The following BECN1 variants were observed in gnomAD, a reference collection of about 807,000 sequenced individuals.
BECN1 encodes the protein beclin-1.
Under a neutral mutation model 60.1 loss-of-function variants are expected in BECN1, and 15 were observed. That is an observed-to-expected ratio of 0.25 (90% CI 0.17 to 0.38). BECN1 has a LOEUF of 0.38. Among genes scored for constraint, BECN1 ranks in the 10% least tolerant of loss-of-function variants. BECN1 has a pLI of 1.00. For missense variants in BECN1, 424 were observed against 548.2 expected, an observed-to-expected ratio of 0.77 and a Z score of 2.26; for synonymous variants, 179 against 201.8, an observed-to-expected ratio of 0.89 and a Z score of 0.96.
chr17:42,816,345 G>A (rs1451703507), intron 7 of BECN1, among the ~76,000 whole-genome samples: 1 of 152,196 alleles, frequency 6.6e-6, no homozygotes, highest in Admixed American at 6.5e-5. Context: ...GAAGTGAGGT[G>A]AATGGGTTAG....
At position 42,810,802 on chromosome 17, in the gene BECN1, C is replaced by T. The variant is rs772387312; in HGVS notation, c.1311G>A (p.Lys437=). Residue 437 remains lysine (K), a synonymous_variant, in exon 12 of 12, where the codon AAG becomes AAA. Transcript: ENST00000590099. Reference sequence around the variant, plus strand: ...GTGAGGACACCCAAGCAAGACCCCACTTAAGATTCGTCAGCATGAACTTGA... The same window carrying T: ...GTGAGGACACCCAAGCAAGACCCCATTTAAGATTCGTCAGCATGAACTTGA... The part of the protein sequence containing the change: ...KALKFMLTNL[K]WGLAWVSSQF... 6.2e-7 allele frequency: 1 copy of T among 1,613,642 alleles called. No individual in the cohort carries two copies. Among genetic ancestry groups the T allele is most frequent in the Non-Finnish European group, 8.5e-7 (1 of 1,179,826 alleles).
chr17:42,823,260 GCT>G (rs1039836900), intron 2 of BECN1, among the ~76,000 whole-genome samples: 2 of 152,088 alleles, frequency 1.3e-5, no homozygotes, highest in African/African-American at 2.4e-5. Context: ...GCTACTGAAA[GCT>G]CTCTTTTTTT....
intron 1 of BECN1, 42 bp from the exon 2 acceptor site, chr17:42,823,921 C>A (rs758369192): frequency 6.3e-7 from 1 of 1,599,150 alleles, no homozygotes; most frequent in Non-Finnish European, 8.5e-7. Context: ...AGAAGCGACG[C>A]CCTTGACCTC....
chr17:42,822,560 G>A lies in BECN1; in HGVS notation c.130+1188C>T, dbSNP rs979418097. ...AATTCTTCTGACTTTGCGGGATTTTGGGGTTTTTTATTTTTTTTAATTATA... is the reference window on the plus strand; with the variant it reads ...AATTCTTCTGACTTTGCGGGATTTTAGGGTTTTTTATTTTTTTTAATTATA... On this transcript the variant is annotated intron_variant, in intron 2 of 11. Coordinates refer to ENST00000590099, the MANE Select transcript of BECN1 (RefSeq NM_001313998.2). Among the ~76,000 whole-genome samples the A allele has an allele frequency of 9.9e-5, 15 of 152,134 alleles. No homozygotes were observed. In the East Asian group the frequency reaches 2.5e-3, roughly 25 times the overall value.
intron 6 of BECN1, 28 bp from the exon 7 acceptor site, chr17:42,818,443 T>TA (rs1206869318): frequency 6.2e-7 from 1 of 1,612,974 alleles, no homozygotes; most frequent in Non-Finnish European, 8.5e-7. Flanking sequence ...AGACTATACT[T>TA]ACTAGAGCTC....
intron 2 of BECN1, 83 bp from the exon 3 acceptor site, chr17:42,820,924 T>TTTCAC: frequency 1.1e-5 from 14 of 1,242,110 alleles, no homozygotes; most frequent in Non-Finnish European, 1.4e-5. Flanking sequence ...GAATGTGAAA[T>TTTCAC]ATTCTCATCA....
At position 42,815,954 on chromosome 17, in the gene BECN1, C is replaced by G. The variant is rs1051729710; in HGVS notation, c.784G>C (p.Asp262His). Residue 262 changes from aspartate to histidine, a missense_variant, in exon 8 of 12, where the codon GAT becomes CAT. Asp to His is a moderately conservative substitution (Grantham distance 81, BLOSUM62 -1). This residue lies in a region of BECN1 where 326 missense variants were observed against 406.2 expected (regional missense o/e 0.80). Coordinates refer to ENST00000590099, the MANE Select transcript of BECN1 (RefSeq NM_001313998.2). The part of the protein sequence containing the change: ...NQMRYAQTQL[D>H]KLKKTNVFNA... The stretch of plus-strand genomic sequence containing the variant: ...AAGACGTTGGTTTTCTTCAGCTTAT[C>G]CAGCTGCGTCTGGGCATAACGCATC... 6.2e-6 allele frequency: 10 copies of G among 1,614,038 alleles called. No homozygotes were observed. The African/African-American group carries it at 1.3e-4, about 22-fold the overall frequency.
intron 2 of BECN1, 142 bp downstream of exon 2, chr17:42,823,604 GAA>G: frequency 8.2e-7 from 1 of 1,222,404 alleles, no homozygotes; most frequent in Admixed American, 2.6e-5. Context: ...TTTCCAAGGA[GAA>G]AACAGGGAGC....
chr17:42,810,363 T>A lies in BECN1; in HGVS notation c.*397A>T, dbSNP rs1024610964. 6.5e-6 allele frequency: 1 copy of A among 154,972 alleles called. No individual in the cohort carries two copies. Among genetic ancestry groups the A allele is most frequent in the Non-Finnish European group, 1.4e-5 (1 of 69,688 alleles). 9.6% of individuals were successfully genotyped at this position (154,972 alleles called of 1,614,324 possible). A position where few individuals can be genotyped will look rare whatever the true frequency, so the allele number is the denominator to read the frequency against. ...TATCCAACTGTGCATCTCAAACATATCCTCATCTCAGTAAAGACAAAAGTT... is the reference window on the plus strand; with the variant it reads ...TATCCAACTGTGCATCTCAAACATAACCTCATCTCAGTAAAGACAAAAGTT... On this transcript the variant is annotated 3_prime_UTR_variant, in exon 12 of 12. Transcript: ENST00000590099.
chr17:42,818,183 C>T lies in BECN1; in HGVS notation c.683+38G>A, dbSNP rs2055183402. The T allele has an allele frequency of 2.5e-6, 4 of 1,598,298 alleles. No individual in the cohort carries two copies. The Admixed American group carries it at 6.8e-5, about 27-fold the overall frequency. On this transcript the variant is annotated intron_variant, in intron 7 of 11. Transcript: ENST00000590099. ...CTGGAAGCCATTTCCTCTCCTGGAG[C>T]CTCGAGTGTGAGAAGATAGAACAGG...
chr17:42,818,298 T>C lies in BECN1; in HGVS notation c.606A>G (p.Glu202=). ...TTTCTGCCACTATCTTGCGGTTCTTTTCCACGTCTTCCAGCTCCTGGATCA... is the reference window on the plus strand; with the variant it reads ...TTTCTGCCACTATCTTGCGGTTCTTCTCCACGTCTTCCAGCTCCTGGATCA... ...ERLIQELEDV[E]KNRKIVAENL... Residue 202 remains glutamate, a synonymous_variant, in exon 7 of 12, where the codon GAA becomes GAG. Coordinates refer to ENST00000590099, the MANE Select transcript of BECN1 (RefSeq NM_001313998.2). 1.2e-6 allele frequency: 2 copies of C among 1,614,208 alleles called. No individual in the cohort carries two copies. Among genetic ancestry groups the C allele is most frequent in the South Asian group, 2.2e-5 (2 of 91,088 alleles).
At chr17:42,823,663 C>T in intron 2 of BECN1, 85 bp downstream of exon 2, 1 of 1,527,554 alleles carries the variant, frequency 6.5e-7, no homozygotes, top group Non-Finnish European at 8.9e-7. Context: ...TTGTGGCAGA[C>T]TACACAGCCA....
Position 42,810,553 on chromosome 17 carries a change from C to A in BECN1, c.*207G>T. 1 of 421,312 alleles carries A rather than the reference C, an allele frequency of 2.4e-6. No individual in the cohort carries two copies. Among genetic ancestry groups the A allele is most frequent in the African/African-American group, 2.0e-5 (1 of 48,844 alleles). The allele number at this position is 421,312 out of a possible 1,614,324, so 26.1% of individuals were successfully genotyped here. On this transcript the variant is annotated 3_prime_UTR_variant, in exon 12 of 12. Transcript: ENST00000590099. ...CATGGGGTTAAGAATCAAAACTGACCAGGGCTGGCAACTATAGATGGCATG... is the reference window on the plus strand; with the variant it reads ...CATGGGGTTAAGAATCAAAACTGACAAGGGCTGGCAACTATAGATGGCATG...
intron 1 of BECN1, 25 bp from the exon 2 acceptor site, chr17:42,823,904 A>G (rs1183103286): frequency 2.5e-6 from 4 of 1,606,670 alleles, no homozygotes; most frequent in Middle Eastern, 3.3e-4. Flanking sequence ...AAGAGGCAAC[A>G]TTAGGGAGAA....
At chr17:42,817,462 C>T (rs2055171218) in intron 7 of BECN1, among the ~76,000 whole-genome samples, 1 of 152,162 alleles carries the variant, frequency 6.6e-6, no homozygotes, top group South Asian at 2.1e-4. Context: ...TTTCTCTATC[C>T]TTCATTTCCA....
intron 2 of BECN1, among the ~76,000 whole-genome samples, chr17:42,821,372 G>T (rs1276960424): frequency 6.6e-6 from 1 of 152,108 alleles, no homozygotes; most frequent in African/African-American, 2.4e-5. Flanking sequence ...TTATCTTTAA[G>T]AATCCTTATC....
intron 11 of BECN1, chr17:42,811,236 G>T (rs559664450): frequency 9.6e-6 from 3 of 314,010 alleles, no homozygotes; most frequent in Non-Finnish European, 1.7e-5. Context: ...TGGCGGGGGA[G>T]AAAGGAGGCA....
chr17:42,817,432 C>T (rs1048413078), intron 7 of BECN1, among the ~76,000 whole-genome samples: 10 of 152,186 alleles, frequency 6.6e-5, no homozygotes, highest in African/African-American at 2.4e-4. Context: ...TGTTATACTA[C>T]TGTGTGAAAA....
chr17:42,814,552 C>A lies in BECN1; in HGVS notation c.952G>T (p.Ala318Ser). 1 of 1,614,168 alleles carries A rather than the reference C, an allele frequency of 6.2e-7. No homozygotes were observed. Among genetic ancestry groups the A allele is most frequent in the Non-Finnish European group, 8.5e-7 (1 of 1,180,016 alleles). ...GQTVLLLHAL[A>S]NKMGLKFQRY... is the part of the protein sequence containing the mutation. ...TGAAATTTCAGACCCATCTTATTGG[C>A]CAGAGCATGGAGCAGCAACACAGTC... is the stretch of plus-strand genomic sequence containing the variant. The change falls in exon 9 of 12, where the codon GCC becomes TCC. Residue 318 changes from alanine to serine, a missense_variant. By Grantham distance (99) the Ala-to-Ser change is moderately conservative. Transcript: ENST00000590099.
Sources: gnomAD v4.1 joint callset for allele counts (sites outside exome capture counted in the v4.1 genomes callset) on GRCh38, gnomAD v4.1.1 for gene constraint, gnomAD v4.1.1 regional missense constraint, MANE v1.5 for transcripts, NCBI Gene and HGNC (gene_info 2026-07-23, HGNC 2026-07-21) for gene names.